The following PARD3B variants were observed in gnomAD, a reference collection of about 807,000 sequenced individuals.
PARD3B encodes the protein par-3 family cell polarity regulator beta, also known as partitioning defective 3 homolog B.
Under a neutral mutation model 130.2 loss-of-function variants are expected in PARD3B, and 103 were observed. The ratio of observed to expected loss-of-function variants is 0.79; its 90% CI spans 0.67 to 0.93. PARD3B has a LOEUF of 0.93. Among genes scored for constraint, PARD3B ranks in the 40% least tolerant of loss-of-function variants. The pLI is 0.00. For missense variants in PARD3B, 1,609 were observed against 1,499.2 expected (o/e 1.07, Z -1.21); for synonymous variants, 583 against 553.2 (o/e 1.05, Z -0.76).
intron 21 of PARD3B, among the ~76,000 whole-genome samples, chr2:205,547,362 A>G (rs2052423578): frequency 6.6e-6 from 1 of 152,126 alleles, no homozygotes. Flanking sequence ...TCCAAACAAT[A>G]TTTTTGCAGA....
chr2:205,503,379 C>A (rs564489529), intron 21 of PARD3B, among the ~76,000 whole-genome samples: 2 of 151,252 alleles, frequency 1.3e-5, no homozygotes, highest in South Asian at 4.2e-4. Flanking sequence ...CCTCAGCTGA[C>A]ATACTTTGTT....
chr2:204,824,498 T>C (rs559520998), intron 2 of PARD3B, among the ~76,000 whole-genome samples: 41 of 152,288 alleles, frequency 2.7e-4, no homozygotes, highest in African/African-American at 9.6e-4. Context: ...GTCCCTATAT[T>C]AAGCCCTCCT....
At chr2:205,539,006 A>T (rs879687843) in intron 21 of PARD3B, among the ~76,000 whole-genome samples, 1 of 152,178 alleles carries the variant, frequency 6.6e-6, no homozygotes, top group Non-Finnish European at 1.5e-5. Flanking sequence ...CTTACCCAAA[A>T]TCACAAAGTC....
intron 2 of PARD3B, among the ~76,000 whole-genome samples, chr2:204,822,627 T>C (rs2043405901): frequency 6.6e-6 from 1 of 152,186 alleles, no homozygotes; most frequent in Admixed American, 6.5e-5. Context: ...TAATTTGGAA[T>C]GAATGCCACA....
At chr2:205,420,501 A>G (rs1378635481) in intron 19 of PARD3B, among the ~76,000 whole-genome samples, 1 of 152,058 alleles carries the variant, frequency 6.6e-6, no homozygotes, top group Non-Finnish European at 1.5e-5. Flanking sequence ...TTGCTTTTCC[A>G]TTTCTGAAAT....
intron 18 of PARD3B, among the ~76,000 whole-genome samples, chr2:205,361,260 T>C (rs540755399): frequency 1.3e-5 from 2 of 152,326 alleles, no homozygotes; most frequent in East Asian, 3.9e-4. Flanking sequence ...GAAAGCCATT[T>C]ATTTTAGGGT....
rs766216590 is a variant in PARD3B, at chr2:205,301,656, A to T, written c.2585A>T (p.Asp862Val). 6.2e-7 allele frequency: 1 copy of T among 1,610,744 alleles called. No individual in the cohort carries two copies. The highest frequency in any genetic ancestry group is 1.3e-5 in the African/African-American group (1 of 74,926). ...AAAAAGCGCAAAGAGGAGAATGAAG[A>T]TCCAGAAAGGAAAATAAAGAAGAAG... ...KEKKRKEENE[D>V]PERKIKKKGF... The change falls in exon 18 of 23, where the codon GAT becomes GTT. Residue 862 changes from aspartate to valine, a missense_variant. Physicochemically the swap from Asp to Val is radical, Grantham distance 152. Transcript: ENST00000406610. The surrounding 1 kb of genome is among the most constrained non-coding windows in gnomAD (Gnocchi z 5.2).
At chr2:204,960,547 C>A (rs1167901213) in intron 2 of PARD3B, among the ~76,000 whole-genome samples, 7 of 149,380 alleles carry the variant, frequency 4.7e-5, no homozygotes, top group Admixed American at 3.3e-4. Context: ...TATACACATT[C>A]ATTTAATTTT....
intron 2 of PARD3B, among the ~76,000 whole-genome samples, chr2:204,909,934 A>T (rs1197847407): frequency 6.6e-6 from 1 of 152,194 alleles, no homozygotes; most frequent in African/African-American, 2.4e-5. Flanking sequence ...ATTCAGCATA[A>T]ATAATGTGTA....
intron 18 of PARD3B, among the ~76,000 whole-genome samples, chr2:205,306,782 A>G (rs1052088016): frequency 2.6e-5 from 4 of 152,214 alleles, no homozygotes; most frequent in Non-Finnish European, 5.9e-5. Context: ...AGCATATTGG[A>G]GTTACTGCTA....
At chr2:204,816,562 T>C (rs1407001970) in intron 2 of PARD3B, among the ~76,000 whole-genome samples, 1 of 152,006 alleles carries the variant, frequency 6.6e-6, no homozygotes, top group East Asian at 1.9e-4. Context: ...TTTAAAGATA[T>C]TACTACAGTA....
chr2:204,726,656 A>G (rs1437882115), intron 2 of PARD3B, among the ~76,000 whole-genome samples: 1 of 152,218 alleles, frequency 6.6e-6, no homozygotes, highest in Non-Finnish European at 1.5e-5. Flanking sequence ...ACCTTATTGT[A>G]TACAAAATGT....
rs1329205998 is a variant in PARD3B, at chr2:204,677,489, C to T, written c.121-8692C>T. 6.6e-6 allele frequency among the ~76,000 whole-genome samples: 1 copy of T among 152,196 alleles called. No individual in the cohort carries two copies. The highest frequency in any genetic ancestry group is 1.5e-5 in the Non-Finnish European group (1 of 68,026). On this transcript the variant is annotated intron_variant, in intron 1 of 22. Coordinates refer to ENST00000406610, the MANE Select transcript of PARD3B (RefSeq NM_001302769.2). This position sits in a 1 kb window ranked among gnomAD's most constrained non-coding sequence, Gnocchi z 4.1. ...CAATTTAGACAAGCCTCAATTAATT[C>T]AGCTCACTCATCATAAGATGTATTT...
Position 204,545,883 on chromosome 2 carries a change from GAGCGGCGCCC to G in PARD3B, c.-116_-107del. On this transcript the variant is annotated 5_prime_UTR_variant, in exon 1 of 23. Transcript: ENST00000406610. Reference sequence around the variant, plus strand: ...CCTCCGGGCCTCAGGGTGTTCCGGGGAGCGGCGCCCCGGGTCTCTGGGCCCACCCGCCCCG... The same window carrying G: ...CCTCCGGGCCTCAGGGTGTTCCGGGGCGGGTCTCTGGGCCCACCCGCCCCG... 1 of 1,194,188 alleles carries G rather than the reference GAGCGGCGCCC, an allele frequency of 8.4e-7. No individual in the cohort carries two copies. The highest frequency in any genetic ancestry group is 1.1e-6 in the Non-Finnish European group (1 of 902,024). 74.0% of individuals were successfully genotyped at this position (1,194,188 alleles called of 1,614,324 possible).
At chr2:205,546,316 T>C (rs939198012) in intron 21 of PARD3B, among the ~76,000 whole-genome samples, 1 of 152,178 alleles carries the variant, frequency 6.6e-6, no homozygotes, top group African/African-American at 2.4e-5. Flanking sequence ...GCGTAAGTTC[T>C]AACGTTACAC....
chr2:204,775,198 C>T (rs916930214), intron 2 of PARD3B, among the ~76,000 whole-genome samples: 4 of 151,998 alleles, frequency 2.6e-5, no homozygotes, highest in African/African-American at 7.2e-5. Context: ...AAAAAAGTGT[C>T]GTATAATACG....
In PARD3B at chr2:204,622,052, A is replaced by G. The variant is rs114995261; in HGVS notation, c.121-64129A>G. On this transcript the variant is annotated intron_variant, in intron 1 of 22. Transcript: ENST00000406610. The stretch of plus-strand genomic sequence containing the variant: ...GGTAAAGAGTACACTATGGCTTCAC[A>G]TGTACAGTGACAGTTTGTAAGAGAA... Among the ~76,000 whole-genome samples the G allele has an allele frequency of 4.8e-3, 724 of 152,308 alleles. 6 individuals are homozygous for G. Among genetic ancestry groups the G allele is most frequent in the African/African-American group, 0.016 (662 of 41,576 alleles).
At chr2:205,249,839 C>T (rs2039762625) in intron 16 of PARD3B, among the ~76,000 whole-genome samples, 2 of 151,734 alleles carry the variant, frequency 1.3e-5, no homozygotes, top group Admixed American at 1.3e-4. Flanking sequence ...AGAAAAATCA[C>T]AAGTTTCATA....
Position 205,619,447 on chromosome 2 carries a change from G to T in PARD3B, c.*3634G>T, listed in dbSNP as rs779499945. The stretch of plus-strand genomic sequence containing the variant: ...CCTTCAAATTGGTGTTAAATTGGGA[G>T]AACACCCTACTGCTTTCTGAGTCTA... On this transcript the variant is annotated 3_prime_UTR_variant, in exon 23 of 23. Coordinates refer to ENST00000406610, the MANE Select transcript of PARD3B (RefSeq NM_001302769.2). 5.9e-5 allele frequency: 9 copies of T among 152,146 alleles called. No homozygotes were observed. The highest frequency in any genetic ancestry group is 1.2e-4 in the Non-Finnish European group (8 of 68,038). The allele number at this position is 152,146 out of a possible 1,614,324, so 9.4% of individuals were successfully genotyped here.
Sources: allele counts gnomAD v4.1 joint callset (sites outside exome capture counted in the v4.1 genomes callset), GRCh38; gene constraint gnomAD v4.1.1; non-coding constraint Gnocchi (gnomAD v3.1); transcripts MANE v1.5; gene names NCBI Gene and HGNC (gene_info 2026-07-23, HGNC 2026-07-21).